The following G3BP1 variants were observed in gnomAD, a reference collection of about 807,000 sequenced individuals.
G3BP1 encodes G3BP stress granule assembly factor 1.
Under a neutral mutation model 58.6 loss-of-function variants are expected in G3BP1, and 35 were observed. The ratio of observed to expected loss-of-function variants is 0.60; its 90% CI spans 0.46 to 0.79. The LOEUF (loss-of-function observed/expected upper bound fraction) is 0.79, where lower values mean the gene tolerates loss of function less well. Among genes scored for constraint, G3BP1 ranks in the 30% least tolerant of loss-of-function variants. The probability of loss-of-function intolerance (pLI) is 0.00; values close to 1 mark genes in which losing one functional copy is unlikely to be tolerated. For synonymous variants in G3BP1, 191 were observed against 195.4 expected (o/e 0.98, Z 0.19); for missense variants, 523 against 580.8 (o/e 0.90, Z 1.02).
chr5:151,786,980 C>T lies in G3BP1; in HGVS notation c.95+265C>T, dbSNP rs562340334. The T allele has an allele frequency of 2.1e-5, 5 of 237,238 alleles. No homozygotes were observed. The South Asian group carries it at 7.4e-4, about 35-fold the overall frequency. 14.7% of individuals were successfully genotyped at this position (237,238 alleles called of 1,614,324 possible). A position where few individuals can be genotyped will look rare whatever the true frequency, so the allele number is the denominator to read the frequency against. The stretch of plus-strand genomic sequence containing the variant: ...GCCCCAGCCTCCTGAGTAGCTGGGA[C>T]CACAGGTGCCCACAACCATGCCCGG... On this transcript the variant is annotated intron_variant, in intron 2 of 11. Coordinates refer to ENST00000356245, the MANE Select transcript of G3BP1 (RefSeq NM_005754.3).
In G3BP1 at chr5:151,790,424, T is replaced by G; in HGVS notation, c.177+20T>G. On this transcript the variant is annotated intron_variant, in intron 3 of 11. Transcript: ENST00000356245. The stretch of plus-strand genomic sequence containing the variant: ...CAGAAAGTAAGCATTTCAAGCCTTA[T>G]TTAGGCTGTTAAGCAGGTAGAAAAT... 1 of 1,398,090 alleles carries G rather than the reference T, an allele frequency of 7.2e-7. No individual in the cohort carries two copies. 86.6% of individuals were successfully genotyped at this position (1,398,090 alleles called of 1,614,324 possible).
intron 2 of G3BP1, among the ~76,000 whole-genome samples, chr5:151,790,110 CAAAA>C (rs759799755): frequency 1.7e-4 from 10 of 57,156 alleles, no homozygotes; most frequent in African/African-American, 4.0e-4. Context: ...TCAGCAAGAG[CAAAA>C]AAAAAAAAAA....
rs1383803925 is a variant in G3BP1, at chr5:151,805,015, T to C, written c.*924T>C. ...CTTTCATCACTTTGTGTATGTCTTT[T>C]GTTAACATATTTGTTATGCCTTATT... On this transcript the variant is annotated 3_prime_UTR_variant, in exon 12 of 12. Transcript: ENST00000356245. 6.6e-6 allele frequency: 1 copy of C among 152,614 alleles called. No individual in the cohort carries two copies. Among genetic ancestry groups the C allele is most frequent in the African/African-American group, 2.4e-5 (1 of 41,466 alleles). The allele number at this position is 152,614 out of a possible 1,614,324, so 9.5% of individuals were successfully genotyped here. A position where few individuals can be genotyped will look rare whatever the true frequency, so the allele number is the denominator to read the frequency against.
At position 151,771,988 on chromosome 5, in the gene G3BP1, C is replaced by G. The variant is rs960697299; in HGVS notation, c.-98C>G. On this transcript the variant is annotated 5_prime_UTR_variant, in exon 1 of 12. It adds an upstream start codon to the 5' untranslated region. Transcript: ENST00000356245. ...CAGTTGCGTGAGGGGTTTGTACTAT[C>G]CTCGGTGCTGTGGTGCAGAGCTAGT... 6.6e-6 allele frequency: 1 copy of G among 152,490 alleles called. No homozygotes were observed. Among genetic ancestry groups the G allele is most frequent in the Admixed American group, 6.5e-5 (1 of 15,282 alleles). 9.4% of individuals were successfully genotyped at this position (152,490 alleles called of 1,614,324 possible). A position where few individuals can be genotyped will look rare whatever the true frequency, so the allele number is the denominator to read the frequency against.
rs193226448 is a variant in G3BP1, at chr5:151,808,570, A to C, written c.*4479A>C. 2.0e-5 allele frequency: 3 copies of C among 152,222 alleles called. No homozygotes were observed. Among genetic ancestry groups the C allele is most frequent in the African/African-American group, 7.2e-5 (3 of 41,456 alleles). 9.4% of individuals were successfully genotyped at this position (152,222 alleles called of 1,614,324 possible). On this transcript the variant is annotated 3_prime_UTR_variant, in exon 12 of 12. Coordinates refer to ENST00000356245, the MANE Select transcript of G3BP1 (RefSeq NM_005754.3). ...TTTTAATTCCCTGTAAGAGGAAAAT[A>C]ATATAGGGAATCTGTTCAACTATTC...
Position 151,795,463 on chromosome 5 carries a change from T to C in G3BP1, c.443-16T>C. 7.4e-7 allele frequency: 1 copy of C among 1,343,622 alleles called. No individual in the cohort carries two copies. The highest frequency in any genetic ancestry group is 1.1e-6 in the Non-Finnish European group (1 of 942,376). 83.2% of individuals were successfully genotyped at this position (1,343,622 alleles called of 1,614,324 possible). A position where few individuals can be genotyped will look rare whatever the true frequency, so the allele number is the denominator to read the frequency against. On this transcript the variant is annotated splice_polypyrimidine_tract_variant and intron_variant, in intron 5 of 11. Coordinates refer to ENST00000356245, the MANE Select transcript of G3BP1 (RefSeq NM_005754.3). ...CAGTAAGTACAAATTACTTTAAATA[T>C]CTTTTTCTCACTTAGAGTCTGAAGA...
At chr5:151,775,062 A>G (rs1026669843) in intron 1 of G3BP1, among the ~76,000 whole-genome samples, 1 of 152,258 alleles carries the variant, frequency 6.6e-6, no homozygotes, top group Non-Finnish European at 1.5e-5. Flanking sequence ...CTGTCTTACA[A>G]GGTGGAAAGC....
At chr5:151,800,172 G>A (rs1762827253) in intron 9 of G3BP1, 46 bp from the exon 10 acceptor site, 2 of 1,593,286 alleles carry the variant, frequency 1.3e-6, no homozygotes, top group African/African-American at 1.3e-5. Context: ...ATTGAAAGAT[G>A]TCTTCTTTCT....
intron 11 of G3BP1, among the ~76,000 whole-genome samples, chr5:151,802,805 C>T (rs1026035916): frequency 1.2e-4 from 18 of 152,112 alleles, no homozygotes; most frequent in Non-Finnish European, 1.9e-4. Context: ...TGGTGGCGGA[C>T]GCCTGTAGTC....
chr5:151,802,154 A>C (rs1762865981), intron 11 of G3BP1, among the ~76,000 whole-genome samples: 1 of 152,156 alleles, frequency 6.6e-6, no homozygotes, highest in Admixed American at 6.5e-5. Context: ...TAACATGTCA[A>C]CCTGAGTATG....
rs1763019330 is a variant in G3BP1 at position 151,811,598 on chromosome 5, T to A, written c.*7507T>A. ...TTATATACATGTTTCACAGAAATTT[T>A]ACATTCCATCTTCAAACTGCAGAAA... On this transcript the variant is annotated 3_prime_UTR_variant, in exon 12 of 12. Coordinates refer to ENST00000356245, the MANE Select transcript of G3BP1 (RefSeq NM_005754.3). The A allele has an allele frequency of 6.6e-6, 1 of 152,116 alleles. No individual in the cohort carries two copies. Among genetic ancestry groups the A allele is most frequent in the East Asian group, 1.9e-4 (1 of 5,206 alleles). 9.4% of individuals were successfully genotyped at this position (152,116 alleles called of 1,614,324 possible).
chr5:151,786,865 CAG>C (rs1561532945), intron 2 of G3BP1, 150 bp downstream of exon 2: 2 of 588,354 alleles, frequency 3.4e-6, no homozygotes, highest in African/African-American at 1.9e-5. Flanking sequence ...TTATTTGAGA[CAG>C]AGTCTCGCCC....
At chr5:151,775,697 A>G (rs1441028189) in intron 1 of G3BP1, among the ~76,000 whole-genome samples, 2 of 152,246 alleles carry the variant, frequency 1.3e-5, no homozygotes, top group Non-Finnish European at 2.9e-5. Flanking sequence ...AATTTTGCGG[A>G]TGAGCATTAG....
At chr5:151,772,118 GCGCT>G (rs1762270344) in intron 1 of G3BP1, 82 bp downstream of exon 1, 1 of 151,992 alleles carries the variant, frequency 6.6e-6, no homozygotes, top group Admixed American at 6.6e-5. Context: ...AGTCTGAGTG[GCGCT>G]CGCGGCGGCC....
At chr5:151,801,887 T>C (rs1189148734) in intron 11 of G3BP1, among the ~76,000 whole-genome samples, 1 of 152,052 alleles carries the variant, frequency 6.6e-6, no homozygotes, top group Non-Finnish European at 1.5e-5. Context: ...TGATCTTGGC[T>C]CACTGCAACC....
In G3BP1 at chr5:151,811,317, T is replaced by C. The variant is rs1763015805; in HGVS notation, c.*7226T>C. On this transcript the variant is annotated 3_prime_UTR_variant, in exon 12 of 12. Coordinates refer to ENST00000356245, the MANE Select transcript of G3BP1 (RefSeq NM_005754.3). The stretch of plus-strand genomic sequence containing the variant: ...CTGTGTCTGAGTCATCTTTGTATCT[T>C]GCCTAGCACCTATCAATAAATACTT... 6.6e-6 allele frequency: 1 copy of C among 152,230 alleles called. No homozygotes were observed. The highest frequency in any genetic ancestry group is 1.5e-5 in the Non-Finnish European group (1 of 68,034). 9.4% of individuals were successfully genotyped at this position (152,230 alleles called of 1,614,324 possible). A position where few individuals can be genotyped will look rare whatever the true frequency, so the allele number is the denominator to read the frequency against.
At chr5:151,803,068 G>A (rs750758516) in intron 11 of G3BP1, among the ~76,000 whole-genome samples, 7 of 152,170 alleles carry the variant, frequency 4.6e-5, no homozygotes, top group Non-Finnish European at 8.8e-5. Flanking sequence ...GAAATGTTTC[G>A]TAGCCCCTTA....
intron 11 of G3BP1, among the ~76,000 whole-genome samples, chr5:151,802,709 G>A (rs10476775): frequency 0.031 from 4,720 of 152,266 alleles, 111 homozygotes; most frequent in South Asian, 0.073. Context: ...CGAGGCGGGC[G>A]GATCACGAGG....
intron 4 of G3BP1, among the ~76,000 whole-genome samples, chr5:151,792,513 T>TTTAAA (rs1206589560): frequency 2.6e-5 from 4 of 152,234 alleles, no homozygotes; most frequent in Non-Finnish European, 5.9e-5. Flanking sequence ...GTTTTTTTCT[T>TTTAAA]TTAAAGGAAG....
Sources: allele counts gnomAD v4.1 joint callset (sites outside exome capture counted in the v4.1 genomes callset), GRCh38; gene constraint gnomAD v4.1.1; transcripts MANE v1.5; gene names NCBI Gene and HGNC (gene_info 2026-07-23, HGNC 2026-07-21).